GRIK4: variants seen among roughly 807,000 people sequenced by gnomAD.
The protein encoded by GRIK4 is glutamate receptor ionotropic, kainate 4.
Under a neutral mutation model 104.9 loss-of-function variants are expected in GRIK4, and 40 were observed. The ratio of observed to expected loss-of-function variants is 0.38; its 90% CI spans 0.30 to 0.50. The LOEUF (loss-of-function observed/expected upper bound fraction) is 0.50, where lower values mean the gene tolerates loss of function less well. Ranked by LOEUF, GRIK4 falls within the 20% of genes least tolerant of loss-of-function variation. GRIK4 has a pLI of 0.93. For missense variants in GRIK4, 1,047 were observed against 1,308.1 expected, an observed-to-expected ratio of 0.80 and a Z score of 3.08; for synonymous variants, 485 against 524.9, an observed-to-expected ratio of 0.92 and a Z score of 1.04.
chr11:120,575,094 G>C (rs1050055261), intron 1 of GRIK4, among the ~76,000 whole-genome samples: 1 of 152,176 alleles, frequency 6.6e-6, no homozygotes, highest in African/African-American at 2.4e-5. Flanking sequence ...TGCTCATCAG[G>C]CTTCTCAGCT....
chr11:120,787,852 C>CTTTTTTTTTT lies in GRIK4; in HGVS notation c.83-14821_83-14812dup, dbSNP rs58523604. 3.7e-3 allele frequency among the ~76,000 whole-genome samples: 284 copies of CTTTTTTTTTT among 77,102 alleles called. 17 individuals carry two copies. The highest frequency in any genetic ancestry group is 4.7e-3 in the African/African-American group (77 of 16,212). 50.6% of individuals were successfully genotyped at this position (77,102 alleles called of 152,430 possible). ...TTTCTTCTCTTTTTTCTTTTCTTTT[C>CTTTTTTTTTT]TTTTTTTTTTTTTTTTTTTTTTTTT... On this transcript the variant is annotated intron_variant, in intron 3 of 20. Transcript: ENST00000527524.
intron 8 of GRIK4, among the ~76,000 whole-genome samples, chr11:120,849,845 A>C (rs1953935234): frequency 6.6e-6 from 1 of 152,240 alleles, no homozygotes; most frequent in African/African-American, 2.4e-5. Flanking sequence ...AGCATTTATT[A>C]GTGCAAAGTC....
rs144080494 is a variant in GRIK4, at chr11:120,848,071, G to A, written c.744+11227G>A. On this transcript the variant is annotated intron_variant, in intron 8 of 20. Coordinates refer to ENST00000527524, the MANE Select transcript of GRIK4 (RefSeq NM_014619.5). ...TCTGCCAACACTGGAGTGCATCCCT[G>A]TTCCTGACCCTGGAAGCCTTCTCAC... Among the ~76,000 whole-genome samples the A allele has an allele frequency of 7.0e-3, 1,063 of 152,310 alleles. 16 individuals carry two copies. Among genetic ancestry groups the A allele is most frequent in the African/African-American group, 0.024 (1,012 of 41,570 alleles).
intron 1 of GRIK4, among the ~76,000 whole-genome samples, chr11:120,600,061 C>T (rs1054071903): frequency 6.6e-5 from 10 of 152,196 alleles, no homozygotes; most frequent in Non-Finnish European, 1.5e-4. Context: ...GCCCACTCTG[C>T]AGGTGGCCGA....
At chr11:120,610,553 G>T (rs963993071) in intron 1 of GRIK4, among the ~76,000 whole-genome samples, 1 of 152,200 alleles carries the variant, frequency 6.6e-6, no homozygotes, top group Non-Finnish European at 1.5e-5. Flanking sequence ...GGCAGCCGGA[G>T]TGGAGGGTGG....
At chr11:120,815,229 C>T in intron 4 of GRIK4, 149 bp from the exon 5 acceptor site, 1 of 583,886 alleles carries the variant, frequency 1.7e-6, no homozygotes, top group South Asian at 2.1e-5. Context: ...AGGAGAGACT[C>T]TGGGTTTCGA....
intron 1 of GRIK4, among the ~76,000 whole-genome samples, chr11:120,533,301 A>T (rs1947940731): frequency 6.6e-6 from 1 of 152,228 alleles, no homozygotes; most frequent in South Asian, 2.1e-4. Flanking sequence ...CTACAGAATG[A>T]TAATATACTG....
At chr11:120,518,933 G>T (rs1338862912) in intron 1 of GRIK4, among the ~76,000 whole-genome samples, 1 of 152,202 alleles carries the variant, frequency 6.6e-6, no homozygotes, top group Non-Finnish European at 1.5e-5. Flanking sequence ...TGTGTCTTTT[G>T]CTGGGTCTTG....
rs368489994 is a variant in GRIK4 at position 120,668,535 on chromosome 11, TG to T, written c.82+8136del. ...CTGTGTTTCAGGTGGGGAATCAACC[TG>T]AACGGGGTTGACTGGTCCTCTAGGG... On this transcript the variant is annotated intron_variant, in intron 3 of 20. Transcript: ENST00000527524. Among the ~76,000 whole-genome samples, 14 of 152,336 alleles carry T rather than the reference TG, an allele frequency of 9.2e-5. No individual in the cohort carries two copies. The East Asian group carries it at 1.9e-3, about 21-fold the overall frequency.
At chr11:120,701,041 A>C (rs557535037) in intron 3 of GRIK4, among the ~76,000 whole-genome samples, 1 of 152,312 alleles carries the variant, frequency 6.6e-6, no homozygotes, top group African/African-American at 2.4e-5. Context: ...TGTTTCATGT[A>C]GCCTAGGTGT....
At chr11:120,643,238 G>GA (rs1234936623) in intron 1 of GRIK4, among the ~76,000 whole-genome samples, 1 of 152,096 alleles carries the variant, frequency 6.6e-6, no homozygotes, top group Non-Finnish European at 1.5e-5. Context: ...ATGGAAAAAA[G>GA]AAAAAAATAA....
At chr11:120,584,321 T>C (rs746990825) in intron 1 of GRIK4, among the ~76,000 whole-genome samples, 14 of 152,210 alleles carry the variant, frequency 9.2e-5, no homozygotes, top group Admixed American at 2.0e-4. Context: ...TATAAAGAAA[T>C]ACCTGAGACT....
At chr11:120,728,410 G>A (rs1377490471) in intron 3 of GRIK4, among the ~76,000 whole-genome samples, 7 of 152,180 alleles carry the variant, frequency 4.6e-5, no homozygotes, top group Admixed American at 1.3e-4. Flanking sequence ...GCCCTCCTTC[G>A]GGAATCTGCT....
intron 1 of GRIK4, among the ~76,000 whole-genome samples, chr11:120,562,266 C>T (rs1257791854): frequency 6.6e-6 from 1 of 152,246 alleles, no homozygotes; most frequent in Non-Finnish European, 1.5e-5. Context: ...ATTTCACTAA[C>T]TCCAAAGCCG....
chr11:120,608,044 G>A (rs1327678473), intron 1 of GRIK4, among the ~76,000 whole-genome samples: 1 of 152,208 alleles, frequency 6.6e-6, no homozygotes, highest in Non-Finnish European at 1.5e-5. Flanking sequence ...TGCAGGGAAT[G>A]TTTTCAGTCG....
intron 3 of GRIK4, among the ~76,000 whole-genome samples, chr11:120,731,298 C>T (rs1271637448): frequency 4.7e-5 from 7 of 149,488 alleles, no homozygotes; most frequent in Non-Finnish European, 8.9e-5. Context: ...TGAATTTTAT[C>T]AAATGCTTTT....
chr11:120,702,899 G>C (rs1224635131), intron 3 of GRIK4, among the ~76,000 whole-genome samples: 1 of 152,200 alleles, frequency 6.6e-6, no homozygotes, highest in Non-Finnish European at 1.5e-5. Flanking sequence ...AAAAAAGGAA[G>C]TTACCAGCAC....
intron 3 of GRIK4, among the ~76,000 whole-genome samples, chr11:120,688,290 C>T (rs1565296086): frequency 6.6e-6 from 1 of 152,162 alleles, no homozygotes; most frequent in Non-Finnish European, 1.5e-5. Flanking sequence ...TTAGTGGAAG[C>T]ATTGATTGGC....
intron 3 of GRIK4, among the ~76,000 whole-genome samples, chr11:120,751,417 C>T (rs1951548916): frequency 6.6e-6 from 1 of 152,222 alleles, no homozygotes; most frequent in African/African-American, 2.4e-5. Context: ...ATAGGAAGTC[C>T]TATCGGTAGC....
Sources: gnomAD v4.1 joint callset for allele counts (sites outside exome capture counted in the v4.1 genomes callset) on GRCh38, gnomAD v4.1.1 for gene constraint, MANE v1.5 for transcripts, NCBI Gene and HGNC (gene_info 2026-07-23, HGNC 2026-07-21) for gene names.